The following MMP20 variants were observed in gnomAD, a reference collection of about 807,000 sequenced individuals.
The protein encoded by MMP20 is matrix metallopeptidase 20, also known as matrix metalloproteinase-20.
MMP20 carries 50 observed loss-of-function variants against 51.8 expected under a neutral mutation model. The ratio of observed to expected loss-of-function variants is 0.97; its 90% CI spans 0.77 to 1.22. The LOEUF (loss-of-function observed/expected upper bound fraction) is 1.22. MMP20 is among the 50% of genes most tolerant of loss of function. The pLI is 0.00. For synonymous variants in MMP20, 244 were observed against 216.2 expected, an observed-to-expected ratio of 1.13 and a Z score of -1.13; for missense variants, 663 against 601.4, an observed-to-expected ratio of 1.10 and a Z score of -1.07.
rs115676603 is a variant in MMP20 at position 102,580,143 on chromosome 11, T to A, written c.1248-1001A>T. Among the ~76,000 whole-genome samples, 275 of 152,380 alleles carry A rather than the reference T, an allele frequency of 1.8e-3. 1 individual carries two copies. The highest frequency in any genetic ancestry group is 6.3e-3 in the African/African-American group (260 of 41,592). On this transcript the variant is annotated intron_variant, in intron 8 of 9. Coordinates refer to ENST00000260228, the MANE Select transcript of MMP20 (RefSeq NM_004771.4). ...ACTGAATAGTAGACCTGATTTCTTTTTCTGGATCAGCAACCAGCATTCAAT... is the reference window on the plus strand; with the variant it reads ...ACTGAATAGTAGACCTGATTTCTTTATCTGGATCAGCAACCAGCATTCAAT...
chr11:102,581,562 C>T (rs943299862), intron 8 of MMP20, among the ~76,000 whole-genome samples: 1 of 151,770 alleles, frequency 6.6e-6, no homozygotes, highest in Admixed American at 6.6e-5. Context: ...GGATTTTTAC[C>T]AATAATAAAT....
intron 5 of MMP20, 179 bp from the exon 6 acceptor site, chr11:102,606,855 T>C (rs1171015219): frequency 1.5e-6 from 1 of 677,206 alleles, no homozygotes; most frequent in Non-Finnish European, 2.6e-6. Context: ...CTGTGTGATT[T>C]GAGGCACATT....
In MMP20 at chr11:102,625,212, G is replaced by C. The variant is rs753029823; in HGVS notation, c.108C>G (p.Asn36Lys). 5.0e-6 allele frequency: 8 copies of C among 1,613,900 alleles called. No homozygotes were observed. The highest frequency in any genetic ancestry group is 6.8e-6 in the Non-Finnish European group (8 of 1,179,984). ...CACAAACCTGTGCGAGGCGGTAGTT[G>C]TTCCTCCAGGTCCTGGGGGAGGCTG... ...LVAASPRTWRNNYRLAQAYLD... is the reference protein window; with the variant it reads ...LVAASPRTWRKNYRLAQAYLD... Residue 36 changes from asparagine to lysine, a missense_variant, in exon 1 of 10, where the codon AAC becomes AAG. Transcript: ENST00000260228.
intron 6 of MMP20, among the ~76,000 whole-genome samples, chr11:102,599,347 C>G (rs1442306818): frequency 6.6e-6 from 1 of 152,122 alleles, no homozygotes; most frequent in East Asian, 1.9e-4. Context: ...TGTTTAATTA[C>G]TGCTCACTCC....
At chr11:102,594,440 C>T (rs1283001103) in intron 7 of MMP20, among the ~76,000 whole-genome samples, 181 bp downstream of exon 7, 1 of 152,204 alleles carries the variant, frequency 6.6e-6, no homozygotes, top group Non-Finnish European at 1.5e-5. Flanking sequence ...GCCATCATTT[C>T]CATTGTTACA....
intron 6 of MMP20, among the ~76,000 whole-genome samples, chr11:102,602,111 G>C (rs1425835148): frequency 8.1e-6 from 1 of 123,762 alleles, no homozygotes; most frequent in East Asian, 2.6e-4. Flanking sequence ...CACCACGCCC[G>C]GCTAATTTTT....
At chr11:102,609,269 A>G (rs1859562194) in intron 4 of MMP20, among the ~76,000 whole-genome samples, 171 bp from the exon 5 acceptor site, 1 of 152,086 alleles carries the variant, frequency 6.6e-6, no homozygotes, top group African/African-American at 2.4e-5. Flanking sequence ...GGTGACTTTA[A>G]TTCTTCCCCC....
intron 6 of MMP20, among the ~76,000 whole-genome samples, chr11:102,600,164 A>G (rs10895323): frequency 0.17 from 26,085 of 152,110 alleles, 2,704 homozygotes; most frequent in East Asian, 0.44. Flanking sequence ...GCCAGAAAAG[A>G]CACATTCCCA....
At chr11:102,610,485 C>CAAGT (rs1390338251) in intron 3 of MMP20, among the ~76,000 whole-genome samples, 1 of 152,148 alleles carries the variant, frequency 6.6e-6, no homozygotes, top group Non-Finnish European at 1.5e-5. Context: ...GTGAATTGAA[C>CAAGT]AAGTGTGTGC....
rs148818720 is a variant in MMP20 at position 102,606,578 on chromosome 11, C to T, written c.910G>A (p.Ala304Thr). The change falls in exon 6 of 10, where the codon GCT (alanine) becomes ACT (threonine). Residue 304 changes from alanine (A) to threonine (T), a missense_variant. Transcript: ENST00000260228. ...DLCDSSSSFD[A>T]VTMLGKELLL... ...AGCTCCTTCCCCAGCATTGTCACAG[C>T]GTCAAAGGATGAGCTGGAGTCACAG... 3,772 of 1,613,968 alleles carry T rather than the reference C, an allele frequency of 2.3e-3. 3 individuals carry two copies. The highest frequency in any genetic ancestry group is 2.8e-3 in the Non-Finnish European group (3,312 of 1,179,912).
At chr11:102,578,279 G>A (rs570289074) in intron 9 of MMP20, among the ~76,000 whole-genome samples, 3 of 151,634 alleles carry the variant, frequency 2.0e-5, no homozygotes, top group Non-Finnish European at 2.9e-5. Context: ...GAGTAGCTGG[G>A]ACTACAGGTG....
chr11:102,619,840 T>C (rs1286956215), intron 1 of MMP20, among the ~76,000 whole-genome samples: 1 of 152,148 alleles, frequency 6.6e-6, no homozygotes, highest in East Asian at 1.9e-4. Context: ...CTTTAAAATA[T>C]GCACAAAATG....
At chr11:102,590,689 T>TATG (rs1859307073) in intron 8 of MMP20, among the ~76,000 whole-genome samples, 1 of 152,178 alleles carries the variant, frequency 6.6e-6, no homozygotes, top group Non-Finnish European at 1.5e-5. Flanking sequence ...CTAACACACT[T>TATG]TCAGTGGATG....
intron 2 of MMP20, among the ~76,000 whole-genome samples, chr11:102,615,982 G>T (rs1006151589): frequency 4.6e-5 from 7 of 152,100 alleles, no homozygotes; most frequent in Admixed American, 4.6e-4. Context: ...GGAAGTCTGC[G>T]CTGGCTCCCA....
intron 8 of MMP20, chr11:102,583,379 C>T (rs532468344): frequency 5.3e-5 from 8 of 152,272 alleles, no homozygotes; most frequent in Non-Finnish European, 1.2e-4. Flanking sequence ...AAATGACAGA[C>T]CATGTACATG....
At chr11:102,620,899 G>T (rs550111849) in intron 1 of MMP20, among the ~76,000 whole-genome samples, 4 of 152,334 alleles carry the variant, frequency 2.6e-5, no homozygotes, top group East Asian at 1.9e-4. Flanking sequence ...CCTCAGGGAG[G>T]GGGTGAGGGC....
chr11:102,602,042 C>T (rs1859452716), intron 6 of MMP20, among the ~76,000 whole-genome samples: 1 of 150,064 alleles, frequency 6.7e-6, no homozygotes, highest in African/African-American at 2.5e-5. Context: ...CTCCGCCTCC[C>T]GGGTTCACGC....
chr11:102,622,377 T>G (rs1859762172), intron 1 of MMP20, among the ~76,000 whole-genome samples: 1 of 152,178 alleles, frequency 6.6e-6, no homozygotes, highest in Non-Finnish European at 1.5e-5. Context: ...TTGGGACTCC[T>G]CTGGGACCCT....
chr11:102,624,847 C>T (rs937124303), intron 1 of MMP20, among the ~76,000 whole-genome samples: 5 of 152,174 alleles, frequency 3.3e-5, no homozygotes, highest in Non-Finnish European at 7.3e-5. Flanking sequence ...GATTATGCCT[C>T]GGTTTTTATT....
Sources: gnomAD v4.1 joint callset for allele counts (sites outside exome capture counted in the v4.1 genomes callset) on GRCh38, gnomAD v4.1.1 for gene constraint, MANE v1.5 for transcripts, NCBI Gene and HGNC (gene_info 2026-07-23, HGNC 2026-07-21) for gene names.